The following RUFY2 variants were observed in gnomAD, a reference collection of about 807,000 sequenced individuals.
RUFY2 encodes RUN and FYVE domain containing 2.
Under a neutral mutation model 94.4 loss-of-function variants are expected in RUFY2, and 49 were observed. The observed-to-expected ratio is 0.52, with a 90% CI of 0.41 to 0.66. RUFY2 has a LOEUF of 0.66. Among genes scored for constraint, RUFY2 ranks in the 30% least tolerant of loss-of-function variants. The pLI, the probability that RUFY2 is intolerant of heterozygous loss-of-function variation, is 0.00. For missense variants in RUFY2, 541 were observed against 692.8 expected, an observed-to-expected ratio of 0.78 and a Z score of 2.46; for synonymous variants, 255 against 235.7, an observed-to-expected ratio of 1.08 and a Z score of -0.75.
intron 10 of RUFY2, among the ~76,000 whole-genome samples, chr10:68,382,270 A>G (rs2049122964): frequency 6.7e-6 from 1 of 149,196 alleles, no homozygotes; most frequent in African/African-American, 2.5e-5. Context: ...GTTAGCCAGG[A>G]TGGTCTCGAT....
At chr10:68,342,774 A>C (rs1589733261), downstream of RUFY2, 1 of 152,666 alleles carries the variant, frequency 6.6e-6, no homozygotes, top group African/African-American at 2.4e-5. Flanking sequence ...GGTTATCGCA[A>C]GATGTCTTAG....
At chr10:68,374,491 G>A (rs2048489923) in intron 13 of RUFY2, among the ~76,000 whole-genome samples, 1 of 152,024 alleles carries the variant, frequency 6.6e-6, no homozygotes, top group Non-Finnish European at 1.5e-5. Context: ...TGAATATGTA[G>A]GCACCAAGTA....
downstream of RUFY2, chr10:68,341,714 T>C (rs754333316): frequency 3.2e-6 from 5 of 1,586,432 alleles, no homozygotes; most frequent in Middle Eastern, 1.7e-4. Flanking sequence ...CAGGGTTAGC[T>C]GCTTATCGAT....
At chr10:68,341,885 C>A, downstream of RUFY2, 1 of 1,590,426 alleles carries the variant, frequency 6.3e-7, no homozygotes, top group Non-Finnish European at 8.6e-7. Context: ...TGTTAGTCCG[C>A]ATATGTAGTG....
chr10:68,347,081 G>C (rs562732989), intron 16 of RUFY2, among the ~76,000 whole-genome samples: 17 of 152,068 alleles, frequency 1.1e-4, no homozygotes, highest in Non-Finnish European at 2.1e-4. Flanking sequence ...ACTCAGGCTT[G>C]AGTGCCACTG....
intron 13 of RUFY2, among the ~76,000 whole-genome samples, chr10:68,366,426 T>A (rs973125132): frequency 1.3e-5 from 2 of 151,222 alleles, no homozygotes; most frequent in Non-Finnish European, 2.9e-5. Flanking sequence ...TAATCTAAAT[T>A]TTAAGATAAA....
intron 16 of RUFY2, among the ~76,000 whole-genome samples, chr10:68,353,332 A>G (rs544309410): frequency 2.5e-3 from 276 of 111,238 alleles, no homozygotes; most frequent in African/African-American, 7.1e-3. Flanking sequence ...CCCTGTCTCG[A>G]AAAAAAAAAA....
chr10:68,355,457 C>T, intron 15 of RUFY2, 56 bp from the exon 16 acceptor site: 3 of 1,087,234 alleles, frequency 2.8e-6, no homozygotes, highest in East Asian at 4.8e-5. Flanking sequence ...ATATAGAACA[C>T]TTAGTATTTC....
Position 68,394,403 on chromosome 10 carries a change from T to G in RUFY2, c.447A>C (p.Val149=), listed in dbSNP as rs1431071371. 1 of 1,613,634 alleles carries G rather than the reference T, an allele frequency of 6.2e-7. No individual in the cohort carries two copies. The highest frequency in any genetic ancestry group is 8.5e-7 in the Non-Finnish European group (1 of 1,179,626). ...TCAGGCCAACCAGCAGCCCAACAAT[T>G]ACTGCTCCTTCTTCTTCCATCATTA... The part of the protein sequence containing the change: ...HALMMEEEGA[V]IVGLLVGLNV... The change falls in exon 5 of 18, where the codon GTA becomes GTC. Residue 149 remains valine (V), a synonymous_variant. Transcript: ENST00000602465.
intron 13 of RUFY2, among the ~76,000 whole-genome samples, chr10:68,366,013 G>GT: frequency 6.6e-6 from 1 of 152,124 alleles, no homozygotes; most frequent in Non-Finnish European, 1.5e-5. Flanking sequence ...GAATACTAAA[G>GT]GCAAAAACCA....
At chr10:68,379,325 C>A in intron 12 of RUFY2, 99 bp downstream of exon 12, 1 of 898,558 alleles carries the variant, frequency 1.1e-6, no homozygotes, top group African/African-American at 1.7e-5. Flanking sequence ...ATGTCCTAAT[C>A]TATGTCTTCC....
chr10:68,390,152 C>T (rs2049866827), intron 7 of RUFY2, among the ~76,000 whole-genome samples: 1 of 152,024 alleles, frequency 6.6e-6, no homozygotes, highest in African/African-American at 2.4e-5. Context: ...ATACAAATTA[C>T]AAAATATACA....
intron 6 of RUFY2, 37 bp from the exon 7 acceptor site, chr10:68,393,240 A>G: frequency 8.4e-7 from 1 of 1,190,312 alleles, no homozygotes; most frequent in Non-Finnish European, 1.2e-6. Context: ...GCTAGTTGAA[A>G]AGGTATTTAT....
chr10:68,345,639 T>G lies in RUFY2; in HGVS notation c.*129A>C. On this transcript the variant is annotated 3_prime_UTR_variant, in exon 18 of 18. Coordinates refer to ENST00000602465, the MANE Select transcript of RUFY2 (RefSeq NM_001330103.2). ...ACTTGTAATTTCCATGAGCTGAATA[T>G]GTAGAAGATAAACTGGTACCAAATA... The G allele has an allele frequency of 4.3e-6, 3 of 705,146 alleles. No individual in the cohort carries two copies. The highest frequency in any genetic ancestry group is 7.1e-6 in the Non-Finnish European group (3 of 421,972). 43.7% of individuals were successfully genotyped at this position (705,146 alleles called of 1,614,324 possible). A position where few individuals can be genotyped will look rare whatever the true frequency, so the allele number is the denominator to read the frequency against.
chr10:68,407,119 C>G, intron 1 of RUFY2, 67 bp downstream of exon 1: 2 of 1,515,606 alleles, frequency 1.3e-6, no homozygotes, highest in Non-Finnish European at 1.8e-6. Context: ...CCAGTCCACC[C>G]CGCCTGGCCG....
Position 68,407,198 on chromosome 10 carries a change from CGGCTGCGCGGT to C in RUFY2, c.-20_-10del. On this transcript the variant is annotated 5_prime_UTR_variant, in exon 1 of 18. Coordinates refer to ENST00000602465, the MANE Select transcript of RUFY2 (RefSeq NM_001330103.2). Reference sequence around the variant, plus strand: ...CCGCTCGCCTTACCCATGGCGGCGGCGGCTGCGCGGTCTCGGGCGGAGGCTCCCTCGGCCTG... The same window carrying C: ...CCGCTCGCCTTACCCATGGCGGCGGCCTCGGGCGGAGGCTCCCTCGGCCTG... The C allele has an allele frequency of 7.1e-7, 1 of 1,416,306 alleles. No homozygotes were observed. Among genetic ancestry groups the C allele is most frequent in the Non-Finnish European group, 9.1e-7 (1 of 1,098,136 alleles). 87.7% of individuals were successfully genotyped at this position (1,416,306 alleles called of 1,614,324 possible). A position where few individuals can be genotyped will look rare whatever the true frequency, so the allele number is the denominator to read the frequency against.
intron 13 of RUFY2, among the ~76,000 whole-genome samples, chr10:68,375,026 T>C (rs1166151345): frequency 6.6e-6 from 1 of 152,154 alleles, no homozygotes; most frequent in Non-Finnish European, 1.5e-5. Flanking sequence ...GCAACTTGCT[T>C]TTTTTCAGCA....
intron 4 of RUFY2, among the ~76,000 whole-genome samples, chr10:68,394,827 C>T (rs922786917): frequency 1.3e-5 from 2 of 151,612 alleles, no homozygotes; most frequent in African/African-American, 4.8e-5. Context: ...GACGGGGTTT[C>T]ACCGTGTTAG....
chr10:68,351,857 G>C (rs2132321965), intron 16 of RUFY2, among the ~76,000 whole-genome samples: 1 of 151,560 alleles, frequency 6.6e-6, no homozygotes, highest in African/African-American at 2.4e-5. Context: ...AGGAGTTCGA[G>C]ACCAGCTTTG....
Sources: gnomAD v4.1 joint callset for allele counts (sites outside exome capture counted in the v4.1 genomes callset) on GRCh38, gnomAD v4.1.1 for gene constraint, MANE v1.5 for transcripts, NCBI Gene and HGNC (gene_info 2026-07-23, HGNC 2026-07-21) for gene names.